AFG2A: variants seen among roughly 807,000 people sequenced by gnomAD.
AFG2A encodes AAA ATPase AFG2A.
chr4:123,057,596 CAT>C, the AFG2A span, among the ~76,000 whole-genome samples: 2 of 152,016 alleles, frequency 1.3e-5, no homozygotes, highest in African/African-American at 4.8e-5. Flanking sequence ...TTATTGTAAA[CAT>C]ATAATTAAAA....
At chr4:123,128,131 T>A in the AFG2A span, among the ~76,000 whole-genome samples, 1 of 152,322 alleles carries the variant, frequency 6.6e-6, no homozygotes, top group East Asian at 1.9e-4. Context: ...TCCTGGAATG[T>A]TGTTGAGAAG....
At chr4:122,958,629 C>T in the AFG2A span, among the ~76,000 whole-genome samples, 1 of 152,168 alleles carries the variant, frequency 6.6e-6, no homozygotes, top group Non-Finnish European at 1.5e-5. Flanking sequence ...ATCCCCCTGA[C>T]AAGAGTTTCT....
the AFG2A span, among the ~76,000 whole-genome samples, chr4:123,003,352 C>G: frequency 1.3e-5 from 2 of 152,218 alleles, no homozygotes; most frequent in African/African-American, 2.4e-5. Flanking sequence ...TGGTGAGGAG[C>G]TGCGTTCCTT....
At chr4:123,003,591 G>T in the AFG2A span, among the ~76,000 whole-genome samples, 8 of 152,272 alleles carry the variant, frequency 5.3e-5, no homozygotes, top group Non-Finnish European at 8.8e-5. Flanking sequence ...GTTTGCCTGG[G>T]TATCAGCAGC....
the AFG2A span, among the ~76,000 whole-genome samples, chr4:123,079,625 C>A: frequency 5.3e-5 from 8 of 151,752 alleles, no homozygotes; most frequent in African/African-American, 1.9e-4. Context: ...TGATGTGTAA[C>A]CCTCGCCAAT....
the AFG2A span, among the ~76,000 whole-genome samples, chr4:123,172,799 A>G: frequency 6.6e-6 from 1 of 152,148 alleles, no homozygotes; most frequent in African/African-American, 2.4e-5. Context: ...CATTTTTTCT[A>G]GAGACAAGGA....
At chr4:123,059,302 C>A in the AFG2A span, among the ~76,000 whole-genome samples, 2 of 127,388 alleles carry the variant, frequency 1.6e-5, no homozygotes, top group South Asian at 3.3e-4. Flanking sequence ...ATCCCTCCCC[C>A]CTCCCCCGAC....
the AFG2A span, among the ~76,000 whole-genome samples, chr4:123,034,297 T>C: frequency 6.6e-6 from 1 of 152,070 alleles, no homozygotes; most frequent in African/African-American, 2.4e-5. Context: ...AACTGATAAA[T>C]GACTATATAT....
At chr4:123,114,548 G>A in the AFG2A span, among the ~76,000 whole-genome samples, 2 of 152,192 alleles carry the variant, frequency 1.3e-5, no homozygotes, top group African/African-American at 4.8e-5. Flanking sequence ...ACCTGGCTGG[G>A]CCACAACAAC....
At chr4:123,004,153 C>G in the AFG2A span, among the ~76,000 whole-genome samples, 1 of 152,196 alleles carries the variant, frequency 6.6e-6, no homozygotes, top group Non-Finnish European at 1.5e-5. Context: ...TTTCCTAAGC[C>G]CGTTGGAAAA....
the AFG2A span, among the ~76,000 whole-genome samples, chr4:123,031,619 A>G: frequency 6.6e-6 from 1 of 152,252 alleles, no homozygotes; most frequent in Admixed American, 6.5e-5. Context: ...TGATCAGAAA[A>G]AGTAGACATA....
chr4:123,165,297 G>A, the AFG2A span, among the ~76,000 whole-genome samples: 5 of 152,062 alleles, frequency 3.3e-5, no homozygotes, highest in African/African-American at 1.2e-4. Context: ...ACTACATTAT[G>A]GTGGAGGTTG....
chr4:122,987,694 T>C, the AFG2A span, among the ~76,000 whole-genome samples: 1 of 152,214 alleles, frequency 6.6e-6, no homozygotes, highest in Non-Finnish European at 1.5e-5. Context: ...ACACAGACTC[T>C]ACTCTTTAAT....
chr4:122,931,258 A>G, the AFG2A span, among the ~76,000 whole-genome samples: 1 of 152,216 alleles, frequency 6.6e-6, no homozygotes, highest in Non-Finnish European at 1.5e-5. Flanking sequence ...AAGGAGATAC[A>G]TGCAATTTTC....
At chr4:122,983,972 G>A in the AFG2A span, among the ~76,000 whole-genome samples, 15 of 152,216 alleles carry the variant, frequency 9.9e-5, no homozygotes, top group Non-Finnish European at 1.9e-4. Flanking sequence ...GGGACAAAGG[G>A]ATTCGAACAA....
chr4:122,928,939 C>T, the AFG2A span: 43 of 1,381,348 alleles, frequency 3.1e-5, no homozygotes, highest in Non-Finnish European at 3.9e-5. Context: ...CTGTATTTTG[C>T]ATATCTTAAG....
At chr4:123,014,508 T>G in the AFG2A span, among the ~76,000 whole-genome samples, 1 of 152,166 alleles carries the variant, frequency 6.6e-6, no homozygotes, top group Non-Finnish European at 1.5e-5. Context: ...TTTTGTAATC[T>G]AAGGGAAGTT....
the AFG2A span, among the ~76,000 whole-genome samples, chr4:123,046,773 T>A: frequency 0.012 from 1,836 of 152,236 alleles, 42 homozygotes; most frequent in African/African-American, 0.041. Flanking sequence ...ATTAGCCAAT[T>A]TTTTTTCATC....
the AFG2A span, among the ~76,000 whole-genome samples, chr4:123,001,982 G>A: frequency 6.6e-6 from 1 of 152,180 alleles, no homozygotes; most frequent in Non-Finnish European, 1.5e-5. Flanking sequence ...ATGAATCTGG[G>A]TGCTCTTGTA....
Sources: gnomAD v4.1 joint callset for allele counts (sites outside exome capture counted in the v4.1 genomes callset) on GRCh38, gnomAD v4.1.1 for gene constraint, MANE v1.5 for transcripts, NCBI Gene and HGNC (gene_info 2026-07-23, HGNC 2026-07-21) for gene names.